Variants in ESYT3 observed in about 807,000 individuals in gnomAD.
ESYT3 encodes extended synaptotagmin-3.
In ESYT3, 101 loss-of-function variants were observed where a neutral mutation model predicts 111.5. That is an observed-to-expected ratio of 0.91 (90% CI 0.77 to 1.07). ESYT3 has a LOEUF of 1.07. ESYT3 is among the 50% of genes least tolerant of loss of function. The probability of loss-of-function intolerance (pLI) is 0.00; values close to 1 mark genes in which losing one functional copy is unlikely to be tolerated. For synonymous variants in ESYT3, 416 were observed against 446.8 expected (o/e 0.93, Z 0.87); for missense variants, 1,097 against 1,109.4 (o/e 0.99, Z 0.16).
At chr3:138,448,266 TAAA>T (rs71146126) in intron 1 of ESYT3, among the ~76,000 whole-genome samples, 625 of 44,576 alleles carry the variant, frequency 0.014, 3 homozygotes, top group African/African-American at 0.051. Context: ...AAACTCGATC[TAAA>T]AAAAAAAAAA....
rs2108585562 is a variant in ESYT3, at chr3:138,435,239, C to T, written c.327+114C>T. ...AACCCGAGGCAGGGCGGGAGCCCGG[C>T]GACCTGCACACCCCGTTCCCCACCG... is the stretch of plus-strand genomic sequence containing the variant. On this transcript the variant is annotated intron_variant, in intron 1 of 22. Coordinates refer to ENST00000389567, the MANE Select transcript of ESYT3 (RefSeq NM_031913.5). The surrounding 1 kb of genome is among the most constrained non-coding windows in gnomAD (Gnocchi z 4.8). 9.5e-7 allele frequency: 1 copy of T among 1,054,446 alleles called. No individual in the cohort carries two copies. Among genetic ancestry groups the T allele is most frequent in the Non-Finnish European group, 1.3e-6 (1 of 748,312 alleles). The allele number at this position is 1,054,446 out of a possible 1,614,324, so 65.3% of individuals were successfully genotyped here. A position where few individuals can be genotyped will look rare whatever the true frequency, so the allele number is the denominator to read the frequency against.
intron 1 of ESYT3, among the ~76,000 whole-genome samples, chr3:138,445,588 A>G (rs2031486558): frequency 1.3e-5 from 2 of 152,324 alleles, no homozygotes; most frequent in African/African-American, 4.8e-5. Flanking sequence ...AGGCACTAGG[A>G]AACTCAGCAG....
chr3:138,470,352 T>G lies in ESYT3; in HGVS notation c.1590+206T>G, dbSNP rs987524583. On this transcript the variant is annotated intron_variant, in intron 16 of 22. Transcript: ENST00000389567. ...CACTGTATAGGGGGATGTGGGAGGA[T>G]AAATCCTCAAGTCCCTTGACTTTCC... The G allele has an allele frequency of 1.1e-5, 14 of 1,273,234 alleles. No homozygotes were observed. The Admixed American group carries it at 3.7e-4, about 34-fold the overall frequency. The allele number at this position is 1,273,234 out of a possible 1,614,324, so 78.9% of individuals were successfully genotyped here.
chr3:138,436,034 T>C (rs1201704424), intron 1 of ESYT3, among the ~76,000 whole-genome samples: 1 of 152,174 alleles, frequency 6.6e-6, no homozygotes, highest in East Asian at 1.9e-4. Flanking sequence ...TCACTGTCTC[T>C]AGCCTGTGGC....
intron 5 of ESYT3, 114 bp downstream of exon 5, chr3:138,459,367 CAG>C (rs1347457203): frequency 2.6e-6 from 2 of 773,472 alleles, no homozygotes; most frequent in East Asian, 2.8e-5. Context: ...ACACTAAACA[CAG>C]AGGATGGTGA....
Position 138,474,361 on chromosome 3 carries a change from G to T in ESYT3, c.2468+9G>T. On this transcript the variant is annotated intron_variant, in intron 20 of 22. Transcript: ENST00000389567. Reference sequence around the variant, plus strand: ...CCCCTGTTTGATGAGACGTAAGTGGGCTGGTGGCCTGCCTAGAGTGCCTCA... The same window carrying T: ...CCCCTGTTTGATGAGACGTAAGTGGTCTGGTGGCCTGCCTAGAGTGCCTCA... The T allele has an allele frequency of 6.3e-7, 1 of 1,582,602 alleles. No homozygotes were observed. Among genetic ancestry groups the T allele is most frequent in the Non-Finnish European group, 8.5e-7 (1 of 1,170,630 alleles).
intron 2 of ESYT3, among the ~76,000 whole-genome samples, chr3:138,453,491 C>A (rs2032074309): frequency 6.6e-6 from 1 of 152,126 alleles, no homozygotes; most frequent in Non-Finnish European, 1.5e-5. Context: ...TTGGAGAGGC[C>A]TTTGAGAGAG....
At position 138,472,537 on chromosome 3, in the gene ESYT3, G is replaced by A. The variant is rs72976634; in HGVS notation, c.1915G>A (p.Asp639Asn). ...CCCAGACCCTGCTTCTGATACTAAG[G>A]ACGTATCCAGGAGTACCACAACCAC... ...CPPDPASDTKDVSRSTTTTTS... is the reference protein window; with the variant it reads ...CPPDPASDTKNVSRSTTTTTS... Residue 639 changes from aspartate (D) to asparagine (N), a missense_variant, in exon 18 of 23, where the codon GAC (aspartate) becomes AAC (asparagine). Physicochemically the swap from Asp to Asn is conservative, Grantham distance 23. Coordinates refer to ENST00000389567, the MANE Select transcript of ESYT3 (RefSeq NM_031913.5). The A allele has an allele frequency of 2.5e-6, 4 of 1,614,090 alleles. No homozygotes were observed. Among genetic ancestry groups the A allele is most frequent in the Non-Finnish European group, 3.4e-6 (4 of 1,180,062 alleles).
intron 3 of ESYT3, 70 bp from the exon 4 acceptor site, chr3:138,457,497 CG>C: frequency 3.6e-6 from 5 of 1,380,744 alleles, no homozygotes; most frequent in Non-Finnish European, 5.2e-6. Flanking sequence ...AGCCCAGTGC[CG>C]GGGGGAGAGC....
intron 10 of ESYT3, among the ~76,000 whole-genome samples, 175 bp downstream of exon 10, chr3:138,465,596 C>T (rs2032888330): frequency 6.6e-6 from 1 of 152,164 alleles, no homozygotes; most frequent in Non-Finnish European, 1.5e-5. Context: ...ACAAACCTTC[C>T]CAGATGTCTC....
chr3:138,442,398 T>C (rs1001377382), intron 1 of ESYT3, among the ~76,000 whole-genome samples: 3 of 152,238 alleles, frequency 2.0e-5, no homozygotes, highest in African/African-American at 7.2e-5. Context: ...ACAAGTTGTG[T>C]AATTGTTTCT....
chr3:138,435,994 T>C lies in ESYT3; in HGVS notation c.327+869T>C, dbSNP rs1370740198. On this transcript the variant is annotated intron_variant, in intron 1 of 22. Transcript: ENST00000389567. The surrounding 1 kb of genome is among the most constrained non-coding windows in gnomAD (Gnocchi z 4.8). The stretch of plus-strand genomic sequence containing the variant: ...GTTTTCAGATTTCTTCCAGTTACTC[T>C]CAGGCCCACGGGGGAGGTCGCCAGA... 6.6e-6 allele frequency among the ~76,000 whole-genome samples: 1 copy of C among 152,140 alleles called. No homozygotes were observed. Among genetic ancestry groups the C allele is most frequent in the Admixed American group, 6.5e-5 (1 of 15,286 alleles).
At chr3:138,446,800 C>T (rs1412582155) in intron 1 of ESYT3, among the ~76,000 whole-genome samples, 2 of 151,968 alleles carry the variant, frequency 1.3e-5, no homozygotes, top group African/African-American at 2.4e-5. Flanking sequence ...CCAAGGCAGG[C>T]GGATAGCTTG....
chr3:138,473,138 A>G lies in ESYT3; in HGVS notation c.2237+279A>G, dbSNP rs1218180111. ...AACCATTGAGTTATACTGGGATGAC[A>G]TGGAAAGCTTAATATGTAGAATTAT... is the stretch of plus-strand genomic sequence containing the variant. On this transcript the variant is annotated intron_variant, in intron 18 of 22. Transcript: ENST00000389567. 4.4e-6 allele frequency: 6 copies of G among 1,351,566 alleles called. No homozygotes were observed. The East Asian group carries it at 8.7e-5, about 20-fold the overall frequency. The allele number at this position is 1,351,566 out of a possible 1,614,324, so 83.7% of individuals were successfully genotyped here.
In ESYT3 at chr3:138,473,314, G is replaced by C. The variant is rs545413590; in HGVS notation, c.2238-222G>C. The C allele has an allele frequency of 3.0e-5, 19 of 633,882 alleles. No individual in the cohort carries two copies. The East Asian group carries it at 5.7e-4, about 19-fold the overall frequency. 39.3% of individuals were successfully genotyped at this position (633,882 alleles called of 1,614,324 possible). ...TCCCAAAAGGAATCATGATACAAAG[G>C]CAGATTCCACTTCAGGGTTCCCGTT... On this transcript the variant is annotated intron_variant, in intron 18 of 22. Coordinates refer to ENST00000389567, the MANE Select transcript of ESYT3 (RefSeq NM_031913.5).
intron 1 of ESYT3, among the ~76,000 whole-genome samples, chr3:138,449,663 C>A (rs1296276975): frequency 6.6e-6 from 1 of 152,136 alleles, no homozygotes; most frequent in Non-Finnish European, 1.5e-5. Context: ...AGTCACAAAA[C>A]AACCCGGGCC....
intron 20 of ESYT3, among the ~76,000 whole-genome samples, chr3:138,475,017 T>TA (rs983406135): frequency 6.6e-6 from 1 of 152,238 alleles, no homozygotes; most frequent in African/African-American, 2.4e-5. Context: ...TCCTGGCCAA[T>TA]AACTTTTTTA....
rs2033554671 is a variant in ESYT3, at chr3:138,477,780, C to T, written c.*926C>T. ...CGCCTCTTTTACATTTCAGACTTTA[C>T]AAGACCAAATATACTTCTCATCCCC... On this transcript the variant is annotated 3_prime_UTR_variant, in exon 23 of 23. Coordinates refer to ENST00000389567, the MANE Select transcript of ESYT3 (RefSeq NM_031913.5). The T allele has an allele frequency of 6.6e-6, 1 of 152,226 alleles. No individual in the cohort carries two copies. The highest frequency in any genetic ancestry group is 2.4e-5 in the African/African-American group (1 of 41,444). 9.4% of individuals were successfully genotyped at this position (152,226 alleles called of 1,614,324 possible). A position where few individuals can be genotyped will look rare whatever the true frequency, so the allele number is the denominator to read the frequency against.
chr3:138,466,721 C>T (rs1223412979), intron 10 of ESYT3, among the ~76,000 whole-genome samples: 1 of 152,116 alleles, frequency 6.6e-6, no homozygotes, highest in Admixed American at 6.5e-5. Flanking sequence ...TATTTTATTG[C>T]TATAAAGGAT....
Sources: allele counts gnomAD v4.1 joint callset (sites outside exome capture counted in the v4.1 genomes callset), GRCh38; gene constraint gnomAD v4.1.1; non-coding constraint Gnocchi (gnomAD v3.1); transcripts MANE v1.5; gene names NCBI Gene and HGNC (gene_info 2026-07-23, HGNC 2026-07-21).